The following KCNIP4 variants were observed in gnomAD, a reference collection of about 807,000 sequenced individuals.
The protein encoded by KCNIP4 is Kv channel-interacting protein 4.
A neutral mutation model predicts 34.0 loss-of-function variants in KCNIP4; 12 were observed. The observed-to-expected ratio is 0.35, with a 90% CI of 0.23 to 0.57. KCNIP4 has a LOEUF of 0.57. Ranked by LOEUF, KCNIP4 falls within the 20% of genes least tolerant of loss-of-function variation. KCNIP4 has a pLI of 0.83. For missense variants in KCNIP4, 238 were observed against 311.7 expected, an observed-to-expected ratio of 0.76 and a Z score of 1.78; for synonymous variants, 124 against 102.2, an observed-to-expected ratio of 1.21 and a Z score of -1.29.
intron 1 of KCNIP4, among the ~76,000 whole-genome samples, chr4:21,073,451 T>C (rs1745168234): frequency 6.6e-6 from 1 of 152,066 alleles, no homozygotes; most frequent in Admixed American, 6.6e-5. Context: ...CTGTTATTGG[T>C]GTATAAGAAT....
chr4:20,750,087 A>T (rs796822158), intron 4 of KCNIP4, among the ~76,000 whole-genome samples: 2 of 152,216 alleles, frequency 1.3e-5, no homozygotes, highest in East Asian at 1.9e-4. Flanking sequence ...CCATCTCTAG[A>T]AGTAAAGTAC....
intron 1 of KCNIP4, among the ~76,000 whole-genome samples, chr4:21,572,114 G>C (rs543759599): frequency 6.3e-4 from 96 of 152,196 alleles, no homozygotes; most frequent in African/African-American, 2.1e-3. Flanking sequence ...CTGATTGCTG[G>C]GGATTCCATT....
intron 1 of KCNIP4, among the ~76,000 whole-genome samples, chr4:21,468,536 G>A (rs1313746058): frequency 2.6e-5 from 4 of 152,126 alleles, no homozygotes; most frequent in African/African-American, 9.7e-5. Flanking sequence ...TGTAATAAAC[G>A]GTTTAGGCTG....
chr4:20,897,962 G>C (rs975138701), intron 1 of KCNIP4, among the ~76,000 whole-genome samples: 35 of 152,180 alleles, frequency 2.3e-4, no homozygotes, highest in African/African-American at 8.4e-4. Flanking sequence ...TGGTGGGTCT[G>C]TGTTTCCAGA....
intron 1 of KCNIP4, among the ~76,000 whole-genome samples, chr4:21,648,388 T>C (rs1312695703): frequency 6.6e-6 from 1 of 152,202 alleles, no homozygotes; most frequent in Non-Finnish European, 1.5e-5. Flanking sequence ...TAAGAGCTCA[T>C]TGTATGAATA....
At chr4:21,907,534 G>A (rs533461766) in intron 1 of KCNIP4, among the ~76,000 whole-genome samples, 8 of 152,062 alleles carry the variant, frequency 5.3e-5, no homozygotes, top group Non-Finnish European at 1.0e-4. Context: ...TCTTATATAC[G>A]TCTCTTATGC....
At chr4:21,328,357 A>G (rs1235575765) in intron 1 of KCNIP4, among the ~76,000 whole-genome samples, 3 of 152,108 alleles carry the variant, frequency 2.0e-5, no homozygotes, top group Non-Finnish European at 4.4e-5. Context: ...TAATTTCTGG[A>G]AGAATTCTCT....
chr4:20,821,607 T>A (rs1717110561), intron 3 of KCNIP4, among the ~76,000 whole-genome samples: 1 of 152,122 alleles, frequency 6.6e-6, no homozygotes, highest in Non-Finnish European at 1.5e-5. Flanking sequence ...CTGTACTCAA[T>A]ATGTAGCCTT....
chr4:21,123,577 T>C (rs1038136158), intron 1 of KCNIP4, among the ~76,000 whole-genome samples: 1 of 152,150 alleles, frequency 6.6e-6, no homozygotes, highest in African/African-American at 2.4e-5. Flanking sequence ...TTTAAAACAA[T>C]AAACAATTTT....
Position 21,462,575 on chromosome 4 carries a change from C to G in KCNIP4, c.61+485996G>C, listed in dbSNP as rs556818827. 4.6e-5 allele frequency among the ~76,000 whole-genome samples: 7 copies of G among 152,168 alleles called. No individual in the cohort carries two copies. The East Asian group carries it at 9.7e-4, about 21-fold the overall frequency. On this transcript the variant is annotated intron_variant, in intron 1 of 8. Transcript: ENST00000382152. ...CCATATCATCAACTACTCTTCCCAG[C>G]CCATGGTAGCCACTATTCAATTCTC...
At chr4:21,843,458 C>T (rs368538827) in intron 1 of KCNIP4, 66 of 152,048 alleles carry the variant, frequency 4.3e-4, no homozygotes, top group African/African-American at 1.6e-3. Context: ...GTCATTCTCA[C>T]CTTCCCCTCA....
intron 1 of KCNIP4, among the ~76,000 whole-genome samples, chr4:21,030,055 G>T (rs745412349): frequency 4.6e-5 from 7 of 152,096 alleles, no homozygotes; most frequent in African/African-American, 1.4e-4. Flanking sequence ...CCAACCCTTC[G>T]GTCATGGACT....
chr4:20,910,407 A>G (rs2149569263), intron 1 of KCNIP4, among the ~76,000 whole-genome samples: 1 of 152,192 alleles, frequency 6.6e-6, no homozygotes, highest in East Asian at 1.9e-4. Context: ...TACCCAACAG[A>G]TCTATCACAC....
intron 1 of KCNIP4, among the ~76,000 whole-genome samples, chr4:21,594,892 A>C (rs1742510240): frequency 6.6e-6 from 1 of 152,038 alleles, no homozygotes. Flanking sequence ...TTCCATTTGG[A>C]ATATTATGTT....
intron 1 of KCNIP4, among the ~76,000 whole-genome samples, chr4:20,936,039 T>C (rs957993151): frequency 6.6e-6 from 1 of 152,220 alleles, no homozygotes; most frequent in African/African-American, 2.4e-5. Context: ...ACACAAGAGC[T>C]TAAGTTTCTT....
rs560983040 is a variant in KCNIP4 at position 20,872,707 on chromosome 4, A to G, written c.163+9901T>C. On this transcript the variant is annotated intron_variant, in intron 2 of 8. Transcript: ENST00000382152. The stretch of plus-strand genomic sequence containing the variant: ...CATAAAACAAAGAAGGCTCTCATTT[A>G]TCTAACAGTCTACACAGTGTTTTGT... Among the ~76,000 whole-genome samples the G allele has an allele frequency of 1.8e-4, 27 of 152,254 alleles. No individual in the cohort carries two copies. The East Asian group carries it at 5.2e-3, about 29-fold the overall frequency.
chr4:20,942,635 A>G (rs1011298886), intron 1 of KCNIP4, among the ~76,000 whole-genome samples: 2 of 152,128 alleles, frequency 1.3e-5, no homozygotes, highest in Admixed American at 1.3e-4. Flanking sequence ...GGTCTATAAT[A>G]CAAACTAATC....
At chr4:21,019,197 C>T (rs926549802) in intron 1 of KCNIP4, among the ~76,000 whole-genome samples, 1 of 152,016 alleles carries the variant, frequency 6.6e-6, no homozygotes, top group Admixed American at 6.6e-5. Context: ...GCTCTGTTGC[C>T]CATGCTGGAG....
At chr4:21,874,412 C>T (rs1725979805) in intron 1 of KCNIP4, among the ~76,000 whole-genome samples, 1 of 152,188 alleles carries the variant, frequency 6.6e-6, no homozygotes, top group Admixed American at 6.5e-5. Flanking sequence ...GGTTCCTGAG[C>T]TCTCTGGCTT....
Sources: gnomAD v4.1 joint callset for allele counts (sites outside exome capture counted in the v4.1 genomes callset) on GRCh38, gnomAD v4.1.1 for gene constraint, MANE v1.5 for transcripts, NCBI Gene and HGNC (gene_info 2026-07-23, HGNC 2026-07-21) for gene names.